The following KRABD5 variants were observed in gnomAD, a reference collection of about 807,000 sequenced individuals.
KRABD5 encodes KRAB domain containing 5, also known as KRAB domain-containing protein 5.
At chr16:31,731,272 C>T in the KRABD5 span, among the ~76,000 whole-genome samples, 1 of 152,222 alleles carries the variant, frequency 6.6e-6, no homozygotes, top group Non-Finnish European at 1.5e-5. Context: ...TGTCACATGA[C>T]TGCTACTGGG....
the KRABD5 span, among the ~76,000 whole-genome samples, chr16:31,732,711 C>G: frequency 6.6e-6 from 1 of 152,068 alleles, no homozygotes; most frequent in East Asian, 1.9e-4. Flanking sequence ...GTAAGAATAG[C>G]ACCAATATAT....
the KRABD5 span, among the ~76,000 whole-genome samples, chr16:31,742,989 G>T: frequency 5.9e-5 from 9 of 152,178 alleles, no homozygotes; most frequent in South Asian, 1.5e-3. Flanking sequence ...CATATCCTTT[G>T]CCCACTTTTT....
At chr16:31,734,201 TA>T in the KRABD5 span, among the ~76,000 whole-genome samples, 1 of 152,152 alleles carries the variant, frequency 6.6e-6, no homozygotes, top group Admixed American at 6.6e-5. Context: ...TGGTAATTCT[TA>T]GTGGTGAGAA....
chr16:31,753,750 T>G, the KRABD5 span: 5 of 1,456,372 alleles, frequency 3.4e-6, no homozygotes, highest in Admixed American at 5.6e-5. Context: ...TTTTGAAAAC[T>G]TTTGGTATCT....
chr16:31,733,146 T>C, the KRABD5 span, among the ~76,000 whole-genome samples: 1 of 152,166 alleles, frequency 6.6e-6, no homozygotes, highest in East Asian at 1.9e-4. Context: ...TATATGCCTG[T>C]TGCTTATAAA....
At chr16:31,750,277 G>A in the KRABD5 span, among the ~76,000 whole-genome samples, 1 of 151,834 alleles carries the variant, frequency 6.6e-6, no homozygotes, top group Non-Finnish European at 1.5e-5. Flanking sequence ...CTAGGTATTC[G>A]GTTTTTTCTT....
At chr16:31,733,691 T>G in the KRABD5 span, 4 of 452,170 alleles carry the variant, frequency 8.8e-6, no homozygotes, top group African/African-American at 2.0e-5. Flanking sequence ...CATAATGTCC[T>G]CAAGGTTTGT....
chr16:31,754,208 A>G, the KRABD5 span: 4 of 672,736 alleles, frequency 5.9e-6, no homozygotes, highest in Non-Finnish European at 5.3e-6. Context: ...AAAAGGAGAG[A>G]TTTAAAAACG....
the KRABD5 span, among the ~76,000 whole-genome samples, chr16:31,743,259 T>G: frequency 2.6e-4 from 39 of 152,166 alleles, no homozygotes; most frequent in African/African-American, 8.9e-4. Context: ...TTTTGGGTTT[T>G]ACATTTAAGT....
chr16:31,723,237 T>C, the KRABD5 span: 8 of 1,608,334 alleles, frequency 5.0e-6, no homozygotes, highest in Non-Finnish European at 6.8e-6. Flanking sequence ...AAGAGTCATG[T>C]GACTTTTTCT....
At chr16:31,730,656 T>C in the KRABD5 span, among the ~76,000 whole-genome samples, 1 of 152,220 alleles carries the variant, frequency 6.6e-6, no homozygotes, top group East Asian at 1.9e-4. Flanking sequence ...CTTTCTTTCT[T>C]CTTCTGAAAA....
At chr16:31,755,631 C>T in the KRABD5 span, 1 of 485,056 alleles carries the variant, frequency 2.1e-6, no homozygotes. Context: ...GGAGAGAAAC[C>T]CTACAAATGT....
the KRABD5 span, among the ~76,000 whole-genome samples, chr16:31,753,605 A>G: frequency 1.3e-5 from 2 of 152,132 alleles, no homozygotes. Flanking sequence ...TCACCCTATT[A>G]CATTTAAGTT....
chr16:31,723,165 C>G, the KRABD5 span: 1 of 1,321,436 alleles, frequency 7.6e-7, no homozygotes. Flanking sequence ...TTTCTAGGAT[C>G]CTCTATAATG....
the KRABD5 span, chr16:31,754,678 G>A: frequency 4.4e-6 from 2 of 458,792 alleles, no homozygotes; most frequent in South Asian, 1.5e-5. Context: ...AACATACTCA[G>A]CCTCAGAGAA....
chr16:31,722,571 G>T, the KRABD5 span: 2 of 1,594,388 alleles, frequency 1.3e-6, no homozygotes, highest in Non-Finnish European at 8.5e-7. Flanking sequence ...GGTTTGTCAA[G>T]TGATGAACTC....
the KRABD5 span, among the ~76,000 whole-genome samples, chr16:31,726,514 A>T: frequency 6.6e-6 from 1 of 152,162 alleles, no homozygotes; most frequent in East Asian, 1.9e-4. Context: ...TAATCCCAGC[A>T]CTTTGGGAGA....
At chr16:31,739,812 G>C in the KRABD5 span, among the ~76,000 whole-genome samples, 1 of 152,142 alleles carries the variant, frequency 6.6e-6, no homozygotes, top group African/African-American at 2.4e-5. Flanking sequence ...GAAGGTTGTG[G>C]GTTTACCGGA....
At chr16:31,739,893 T>C in the KRABD5 span, among the ~76,000 whole-genome samples, 1 of 152,244 alleles carries the variant, frequency 6.6e-6, no homozygotes, top group Non-Finnish European at 1.5e-5. Flanking sequence ...CCACAAACAG[T>C]AGCATGAGCC....
Sources: gnomAD v4.1 joint callset for allele counts (sites outside exome capture counted in the v4.1 genomes callset) on GRCh38, gnomAD v4.1.1 for gene constraint, MANE v1.5 for transcripts, NCBI Gene and HGNC (gene_info 2026-07-23, HGNC 2026-07-21) for gene names.